GALNTL6: variants seen among roughly 807,000 people sequenced by gnomAD.
The protein encoded by GALNTL6 is polypeptide N-acetylgalactosaminyltransferase like 6.
GALNTL6 carries 46 observed loss-of-function variants against 73.7 expected under a neutral mutation model. The observed-to-expected ratio is 0.62, with a 90% CI of 0.49 to 0.80. The LOEUF (loss-of-function observed/expected upper bound fraction) is 0.80. Among genes scored for constraint, GALNTL6 ranks in the 30% least tolerant of loss-of-function variants. GALNTL6 has a pLI of 0.00. For synonymous variants in GALNTL6, 259 were observed against 263.7 expected (o/e 0.98, Z 0.17); for missense variants, 604 against 755.0 (o/e 0.80, Z 2.34).
intron 5 of GALNTL6, among the ~76,000 whole-genome samples, chr4:172,614,002 T>C (rs1316991374): frequency 6.6e-6 from 1 of 152,186 alleles, no homozygotes; most frequent in Non-Finnish European, 1.5e-5. Context: ...TATATTCATT[T>C]ATAGTCTTAT....
chr4:172,728,338 T>G (rs1453646868), intron 5 of GALNTL6, among the ~76,000 whole-genome samples: 1 of 152,216 alleles, frequency 6.6e-6, no homozygotes, highest in Admixed American at 6.5e-5. Flanking sequence ...AGATCCACTT[T>G]TTTTAGTTCT....
At chr4:172,360,013 A>C (rs956673472) in intron 5 of GALNTL6, among the ~76,000 whole-genome samples, 2 of 152,210 alleles carry the variant, frequency 1.3e-5, no homozygotes, top group African/African-American at 4.8e-5. Flanking sequence ...CTTACACATC[A>C]TTATAAAATC....
At chr4:171,926,869 T>A (rs1000877946) in intron 2 of GALNTL6, among the ~76,000 whole-genome samples, 19 of 152,312 alleles carry the variant, frequency 1.2e-4, no homozygotes, top group African/African-American at 3.6e-4. Flanking sequence ...TAGTTTTAGC[T>A]TTTGCACATA....
At chr4:172,531,241 A>G (rs1238357050) in intron 5 of GALNTL6, among the ~76,000 whole-genome samples, 1 of 152,202 alleles carries the variant, frequency 6.6e-6, no homozygotes, top group Non-Finnish European at 1.5e-5. Flanking sequence ...TACAGTGTGC[A>G]GCAAAAAGTG....
chr4:173,022,063 G>GA, intron 12 of GALNTL6, among the ~76,000 whole-genome samples: 2 of 133,914 alleles, frequency 1.5e-5, no homozygotes, highest in Non-Finnish European at 3.3e-5. Context: ...AGGAAGGAAG[G>GA]AAGGAAGGAA....
At chr4:172,593,241 T>C (rs1737722142) in intron 5 of GALNTL6, among the ~76,000 whole-genome samples, 1 of 152,226 alleles carries the variant, frequency 6.6e-6, no homozygotes. Flanking sequence ...TGCTTTTATT[T>C]CTCCATAATC....
At chr4:172,039,261 A>C (rs958044163) in intron 2 of GALNTL6, among the ~76,000 whole-genome samples, 6 of 152,058 alleles carry the variant, frequency 3.9e-5, no homozygotes, top group Non-Finnish European at 7.4e-5. Context: ...TATGTAACCC[A>C]AAAAAAATTT....
intron 2 of GALNTL6, among the ~76,000 whole-genome samples, chr4:171,845,811 G>A (rs936673485): frequency 1.3e-4 from 20 of 152,170 alleles, no homozygotes; most frequent in Admixed American, 1.0e-3. Context: ...TAAACCACTA[G>A]CATTTGAGGT....
rs984632116 is a variant in GALNTL6 at position 171,958,763 on chromosome 4, T to A, written c.138+144045T>A. Among the ~76,000 whole-genome samples the A allele has an allele frequency of 3.3e-5, 5 of 152,152 alleles. No individual in the cohort carries two copies. In the South Asian group the frequency reaches 1.0e-3, roughly 31 times the overall value. On this transcript the variant is annotated intron_variant, in intron 2 of 12. Transcript: ENST00000506823. ...AGATGTGAAAAATGTAATGCATTGATAAACATCAGTTTTCTACAGTCATTA... is the reference window on the plus strand; with the variant it reads ...AGATGTGAAAAATGTAATGCATTGAAAAACATCAGTTTTCTACAGTCATTA...
intron 2 of GALNTL6, among the ~76,000 whole-genome samples, chr4:172,056,901 T>G (rs1248295418): frequency 3.3e-5 from 5 of 152,110 alleles, no homozygotes; most frequent in Non-Finnish European, 7.4e-5. Context: ...TGTATGATAG[T>G]TTTATTTTAA....
chr4:172,314,137 A>C (rs1052539829), intron 4 of GALNTL6, among the ~76,000 whole-genome samples: 1 of 152,224 alleles, frequency 6.6e-6, no homozygotes, highest in Non-Finnish European at 1.5e-5. Flanking sequence ...AACTTGTGAC[A>C]TATTTCAGTA....
At chr4:173,009,902 G>A (rs1478701748) in intron 11 of GALNTL6, among the ~76,000 whole-genome samples, 1 of 152,080 alleles carries the variant, frequency 6.6e-6, no homozygotes, top group Non-Finnish European at 1.5e-5. Context: ...GTGTATATAT[G>A]GGGTACATGA....
At chr4:172,347,976 G>A (rs753854555) in intron 4 of GALNTL6, among the ~76,000 whole-genome samples, 6 of 152,014 alleles carry the variant, frequency 3.9e-5, no homozygotes, top group Non-Finnish European at 8.8e-5. Flanking sequence ...ATCTTATTAT[G>A]TGGTTGTGCT....
rs192283221 is a variant in GALNTL6 at position 172,007,665 on chromosome 4, C to T, written c.138+192947C>T. On this transcript the variant is annotated intron_variant, in intron 2 of 12. Transcript: ENST00000506823. The stretch of plus-strand genomic sequence containing the variant: ...TTTAGTTCTCAGTTTAGAATTTGGA[C>T]TAATTATTCAATTAAATTTCAGAGA... 1.2e-4 allele frequency among the ~76,000 whole-genome samples: 18 copies of T among 152,188 alleles called. No homozygotes were observed. The East Asian group carries it at 3.5e-3, about 29-fold the overall frequency.
chr4:172,328,182 AT>A (rs890385894), intron 4 of GALNTL6, among the ~76,000 whole-genome samples: 5 of 151,218 alleles, frequency 3.3e-5, no homozygotes, highest in East Asian at 1.9e-4. Context: ...TTGGTTGAAG[AT>A]TTTTTTTTCT....
chr4:172,271,017 C>A (rs1738627770), intron 3 of GALNTL6, among the ~76,000 whole-genome samples: 1 of 151,692 alleles, frequency 6.6e-6, no homozygotes, highest in South Asian at 2.1e-4. Context: ...AGATAAAGAC[C>A]CAGACAGTCT....
chr4:172,715,028 A>G (rs986403688), intron 5 of GALNTL6, among the ~76,000 whole-genome samples: 1 of 152,032 alleles, frequency 6.6e-6, no homozygotes, highest in Non-Finnish European at 1.5e-5. Context: ...CAAATTCTGT[A>G]TAAAAGGTCA....
intron 2 of GALNTL6, among the ~76,000 whole-genome samples, chr4:171,928,258 A>G (rs1277266707): frequency 6.6e-6 from 1 of 152,206 alleles, no homozygotes; most frequent in Non-Finnish European, 1.5e-5. Context: ...TCCTCATGAC[A>G]ACAATATAGT....
chr4:172,050,599 T>C (rs138396659), intron 2 of GALNTL6, among the ~76,000 whole-genome samples: 15 of 152,314 alleles, frequency 9.8e-5, no homozygotes, highest in Middle Eastern at 3.4e-3. Flanking sequence ...CTGAGGTCTA[T>C]GTGCCAGTGG....
Sources: gnomAD v4.1 joint callset for allele counts (sites outside exome capture counted in the v4.1 genomes callset) on GRCh38, gnomAD v4.1.1 for gene constraint, MANE v1.5 for transcripts, NCBI Gene and HGNC (gene_info 2026-07-23, HGNC 2026-07-21) for gene names.